The following HIVEP3 variants were observed in gnomAD, a reference collection of about 807,000 sequenced individuals.
The protein encoded by HIVEP3 is transcription factor HIVEP3.
Under a neutral mutation model 152.8 loss-of-function variants are expected in HIVEP3, and 49 were observed. That is an observed-to-expected ratio of 0.32 (90% CI 0.26 to 0.41). The LOEUF is 0.41. Ranked by LOEUF, HIVEP3 falls within the 10% of genes least tolerant of loss-of-function variation. HIVEP3 has a pLI of 1.00. For synonymous variants in HIVEP3, 1,269 were observed against 1,289.0 expected (o/e 0.98, Z 0.33); for missense variants, 2,790 against 3,103.3 (o/e 0.90, Z 2.40).
intron 2 of HIVEP3, among the ~76,000 whole-genome samples, chr1:41,645,292 T>G (rs954872729): frequency 6.6e-6 from 1 of 152,156 alleles, no homozygotes. Context: ...GCTGACTGCA[T>G]GTGATCTGAC....
In HIVEP3 at chr1:41,582,680, G is replaced by A; in HGVS notation, c.2118C>T (p.Thr706=). The A allele has an allele frequency of 6.2e-7, 1 of 1,614,100 alleles. No homozygotes were observed. Residue 706 remains threonine, a synonymous_variant, in exon 4 of 9, where the codon ACC becomes ACT. Transcript: ENST00000372583. This position sits in a 1 kb window ranked among gnomAD's most constrained non-coding sequence, Gnocchi z 4.7. ...SQMMHYKLGT[T]LELTPLRKRR... Reference sequence around the variant, plus strand: ...TCTTCCTCAGTGGAGTGAGTTCCAGGGTGGTTCCCAGTTTGTAATGCATCA... The same window carrying A: ...TCTTCCTCAGTGGAGTGAGTTCCAGAGTGGTTCCCAGTTTGTAATGCATCA...
chr1:41,738,901 G>C (rs1646956227), intron 1 of HIVEP3, among the ~76,000 whole-genome samples: 1 of 152,154 alleles, frequency 6.6e-6, no homozygotes, highest in Admixed American at 6.5e-5. Flanking sequence ...TCCCCAAGAG[G>C]GTAGATTCTA....
chr1:41,777,453 C>A (rs1648775494), intron 1 of HIVEP3, among the ~76,000 whole-genome samples: 1 of 152,210 alleles, frequency 6.6e-6, no homozygotes, highest in Non-Finnish European at 1.5e-5. Context: ...ATGGGGCAGA[C>A]CAACAGAGGC....
chr1:41,833,761 C>T (rs556703804), intron 1 of HIVEP3, among the ~76,000 whole-genome samples: 7 of 152,334 alleles, frequency 4.6e-5, no homozygotes, highest in Admixed American at 2.0e-4. Flanking sequence ...GTGGCTCCTC[C>T]TTTCCCCAAG....
rs774359067 is a variant in HIVEP3, at chr1:41,929,724, TTTTATATATATATATA to T, written n.120-11216_120-11201del. On this transcript the variant is annotated intron_variant and non_coding_transcript_variant, in intron 1 of 3. Coordinates refer to the HIVEP3 transcript ENST00000489103. The stretch of plus-strand genomic sequence containing the variant: ...TATGTGTGAGTGTGTGTATATGTGT[TTTTATATATATATATA>T]TATATATATATATGTTTAAACATGA... 1.1e-3 allele frequency among the ~76,000 whole-genome samples: 34 copies of T among 30,592 alleles called. 1 individual carries two copies. In the East Asian group the frequency reaches 0.13, roughly 118 times the overall value. The allele number at this position is 30,592 out of a possible 152,430, so 20.1% of individuals were successfully genotyped here.
At chr1:41,922,482 G>A (rs902502213), upstream of HIVEP3, among the ~76,000 whole-genome samples, 1 of 152,124 alleles carries the variant, frequency 6.6e-6, no homozygotes, top group African/African-American at 2.4e-5. Flanking sequence ...AAGGTTACTT[G>A]AAGATCTCTT....
chr1:41,856,554 G>A (rs529838038), intron 1 of HIVEP3, among the ~76,000 whole-genome samples: 9 of 152,288 alleles, frequency 5.9e-5, no homozygotes, highest in African/African-American at 1.9e-4. Flanking sequence ...GCGGGCGTTC[G>A]CACATGCACG....
chr1:41,545,242 C>A lies in HIVEP3; in HGVS notation c.5208-20332G>T, dbSNP rs866012238. On this transcript the variant is annotated intron_variant, in intron 5 of 8. Transcript: ENST00000372583. The stretch of plus-strand genomic sequence containing the variant: ...ACCACCATCGCTACCATCACCACCA[C>A]CACCAATACCACTACCACCACTACC... 3.5e-3 allele frequency among the ~76,000 whole-genome samples: 503 copies of A among 144,212 alleles called. 2 individuals are homozygous for A. The highest frequency in any genetic ancestry group is 0.019 in the Middle Eastern group (5 of 266). The allele number at this position is 144,212 out of a possible 152,430, so 94.6% of individuals were successfully genotyped here.
At chr1:41,525,353 A>C (rs1049006195) in intron 5 of HIVEP3, among the ~76,000 whole-genome samples, 1 of 152,206 alleles carries the variant, frequency 6.6e-6, no homozygotes, top group Non-Finnish European at 1.5e-5. Context: ...TCTGCCAGGC[A>C]CTTTACCCAA....
intron 1 of HIVEP3, among the ~76,000 whole-genome samples, chr1:41,978,835 A>T (rs1645278017): frequency 6.6e-6 from 1 of 152,246 alleles, no homozygotes; most frequent in Middle Eastern, 3.4e-3. Context: ...TTGAAAAGGT[A>T]TGCATGCAGG....
chr1:41,779,577 C>A (rs898803773), intron 1 of HIVEP3, among the ~76,000 whole-genome samples: 4 of 152,228 alleles, frequency 2.6e-5, no homozygotes, highest in African/African-American at 7.2e-5. Flanking sequence ...CTCATTGCAA[C>A]CTCCACCTCC....
At chr1:41,986,190 T>C (rs1440558329) in intron 1 of HIVEP3, among the ~76,000 whole-genome samples, 1 of 152,190 alleles carries the variant, frequency 6.6e-6, no homozygotes, top group Non-Finnish European at 1.5e-5. Context: ...AGAAAATGTC[T>C]AAAAGATGAG....
intron 2 of HIVEP3, among the ~76,000 whole-genome samples, chr1:41,672,224 G>T (rs1265676627): frequency 2.0e-5 from 3 of 152,166 alleles, no homozygotes; most frequent in African/African-American, 7.2e-5. Flanking sequence ...CACATGTGGG[G>T]CAGGCCCCAT....
chr1:42,034,279 T>TA (rs1570905972), intron 1 of HIVEP3, among the ~76,000 whole-genome samples: 1 of 152,300 alleles, frequency 6.6e-6, no homozygotes, highest in African/African-American at 2.4e-5. Flanking sequence ...AATAAATTTT[T>TA]AAAAAAATCT....
intron 5 of HIVEP3, among the ~76,000 whole-genome samples, chr1:41,530,112 T>A (rs1643200582): frequency 6.6e-6 from 1 of 152,106 alleles, no homozygotes; most frequent in Non-Finnish European, 1.5e-5. Flanking sequence ...ACCCTGTTTT[T>A]TTGTCACCTC....
At chr1:41,854,041 G>A (rs1643682163) in intron 1 of HIVEP3, among the ~76,000 whole-genome samples, 1 of 152,180 alleles carries the variant, frequency 6.6e-6, no homozygotes, top group South Asian at 2.1e-4. Context: ...GCCTTACTAA[G>A]TGTGTTCACT....
At chr1:41,828,233 C>T (rs1166718090) in intron 1 of HIVEP3, among the ~76,000 whole-genome samples, 2 of 152,164 alleles carry the variant, frequency 1.3e-5, no homozygotes, top group African/African-American at 4.8e-5. Context: ...CACCCAGTGT[C>T]CCTGCTGGAC....
chr1:41,549,393 A>G (rs1288964260), intron 5 of HIVEP3, among the ~76,000 whole-genome samples: 2 of 152,336 alleles, frequency 1.3e-5, no homozygotes, highest in Non-Finnish European at 1.5e-5. Context: ...ATACCCAGTA[A>G]TGGGATTCCT....
intron 5 of HIVEP3, among the ~76,000 whole-genome samples, chr1:41,529,462 C>A (rs1425122583): frequency 1.1e-5 from 1 of 94,166 alleles, no homozygotes; most frequent in African/African-American, 4.3e-5. Flanking sequence ...CCTCACACTC[C>A]CCCCAAACTC....
Sources: allele counts gnomAD v4.1 joint callset (sites outside exome capture counted in the v4.1 genomes callset), GRCh38; gene constraint gnomAD v4.1.1; non-coding constraint Gnocchi (gnomAD v3.1); transcripts MANE v1.5; gene names NCBI Gene and HGNC (gene_info 2026-07-23, HGNC 2026-07-21).